PARG: variants seen among roughly 807,000 people sequenced by gnomAD.
PARG encodes mitochondrial poly(ADP-ribose) glycohydrolase.
PARG carries 35 observed loss-of-function variants against 113.0 expected under a neutral mutation model. That is an observed-to-expected ratio of 0.31 (90% CI 0.24 to 0.41). The LOEUF is 0.41. PARG is among the 10% of genes least tolerant of loss of function. PARG has a pLI of 1.00. For synonymous variants in PARG, 330 were observed against 409.9 expected, an observed-to-expected ratio of 0.81 and a Z score of 2.36; for missense variants, 797 against 1,169.4, an observed-to-expected ratio of 0.68 and a Z score of 4.64.
intron 16 of PARG, among the ~76,000 whole-genome samples, chr10:49,831,052 G>T (rs1554830186): frequency 1.3e-5 from 2 of 152,056 alleles, no homozygotes; most frequent in East Asian, 1.9e-4. Flanking sequence ...ATGGATAGTT[G>T]AAAACTATCC....
chr10:49,826,157 T>A (rs1191758898), intron 16 of PARG, among the ~76,000 whole-genome samples: 5 of 152,188 alleles, frequency 3.3e-5, no homozygotes, highest in Non-Finnish European at 7.3e-5. Context: ...CACCTTTGAA[T>A]GCACATTATC....
chr10:49,922,606 C>T lies in PARG; in HGVS notation c.1519G>A (p.Asp507Asn), dbSNP rs782075659. ...CAAGGCATTTTAACATGCTTGTTAT[C>T]CCACAAATCTTTATAATGTGTTGGA... ...PFPTHYKDLW[D>N]NKHVKMPCSE... is the part of the protein sequence containing the mutation. The change falls in exon 5 of 18, where the codon GAT becomes AAT. Residue 507 changes from aspartate (D) to asparagine (N), a missense_variant. Physicochemically the swap from Asp to Asn is conservative, Grantham distance 23 (BLOSUM62 1). This residue lies in a region of PARG where 252 missense variants were observed against 437.4 expected (regional missense o/e 0.58). Coordinates refer to ENST00000616448, the MANE Select transcript of PARG (RefSeq NM_003631.5). 2.5e-6 allele frequency: 4 copies of T among 1,603,060 alleles called. No homozygotes were observed. Among genetic ancestry groups the T allele is most frequent in the South Asian group, 1.1e-5 (1 of 89,090 alleles).
Position 49,933,886 on chromosome 10 carries a change from C to T in PARG, c.562G>A (p.Asp188Asn). 1 of 1,598,296 alleles carries T rather than the reference C, an allele frequency of 6.3e-7. No homozygotes were observed. The highest frequency in any genetic ancestry group is 1.1e-5 in the South Asian group (1 of 90,748). ...VPEQFSNANI[D>N]RSPQNDDHSD... ...TGATCATCATTTTGAGGTGACCGAT[C>T]AATGTTAGCATTACTAAACTGCTCT... The change falls in exon 3 of 18, where the codon GAT (aspartate) becomes AAT (asparagine). Residue 188 changes from aspartate to asparagine, a missense_variant. Around this residue, in one of 5 missense-constraint regions of PARG, gnomAD observed 284 missense variants for 306.1 expected, o/e 0.93. Coordinates refer to ENST00000616448, the MANE Select transcript of PARG (RefSeq NM_003631.5).
intron 7 of PARG, among the ~76,000 whole-genome samples, chr10:49,905,213 C>T (rs1848525067): frequency 6.6e-6 from 1 of 152,282 alleles, no homozygotes; most frequent in African/African-American, 2.4e-5. Flanking sequence ...CAAATCTCTC[C>T]GAGAGGTATT....
chr10:49,930,148 A>G (rs1422865946), intron 4 of PARG, among the ~76,000 whole-genome samples: 2 of 152,158 alleles, frequency 1.3e-5, no homozygotes, highest in African/African-American at 4.8e-5. Flanking sequence ...ATCTTGGCAA[A>G]AACAGCTGGT....
intron 7 of PARG, among the ~76,000 whole-genome samples, chr10:49,902,694 CACA>C (rs1376087018): frequency 8.5e-5 from 13 of 152,094 alleles, no homozygotes; most frequent in Admixed American, 2.6e-4. Flanking sequence ...AAAAATGCTA[CACA>C]ACAACTATAA....
intron 7 of PARG, among the ~76,000 whole-genome samples, chr10:49,904,983 A>G (rs1328551154): frequency 2.0e-5 from 3 of 152,218 alleles, no homozygotes; most frequent in African/African-American, 7.2e-5. Flanking sequence ...GCTGAACACT[A>G]AAAGTCAAGC....
In PARG at chr10:49,907,144, A is replaced by G. The variant is rs4838572; in HGVS notation, c.1737+8773T>C. ...AATATTCCATATTTCATTATGCTGG[A>G]AATGGCCCTTGTGGCAGAAAATGTC... is the stretch of plus-strand genomic sequence containing the variant. On this transcript the variant is annotated intron_variant, in intron 7 of 17. Transcript: ENST00000616448. Among the ~76,000 whole-genome samples, 609 of 152,316 alleles carry G rather than the reference A, an allele frequency of 4.0e-3. 18 individuals are homozygous for G. Among genetic ancestry groups the G allele is most frequent in the Admixed American group, 0.036 (556 of 15,302 alleles).
intron 9 of PARG, among the ~76,000 whole-genome samples, chr10:49,869,987 G>A (rs1554837617): frequency 6.6e-6 from 1 of 152,180 alleles, no homozygotes; most frequent in Non-Finnish European, 1.5e-5. Flanking sequence ...GTGAGGAAAT[G>A]AGAGTGGAGG....
chr10:49,917,703 G>A (rs2132859067), intron 6 of PARG, among the ~76,000 whole-genome samples: 1 of 150,120 alleles, frequency 6.7e-6, no homozygotes, highest in East Asian at 2.0e-4. Context: ...TGCAGTCTCA[G>A]CTACATGAGG....
At chr10:49,844,188 AG>A (rs1845388712) in intron 13 of PARG, among the ~76,000 whole-genome samples, 3 of 152,154 alleles carry the variant, frequency 2.0e-5, no homozygotes, top group Admixed American at 2.0e-4. Flanking sequence ...ATTAAAATAA[AG>A]AAAAAGCATA....
intron 7 of PARG, among the ~76,000 whole-genome samples, chr10:49,902,365 G>A (rs1447404345): frequency 2.6e-5 from 4 of 152,178 alleles, no homozygotes; most frequent in African/African-American, 4.8e-5. Context: ...TATGAGGACC[G>A]ATGTGGTACG....
intron 13 of PARG, among the ~76,000 whole-genome samples, chr10:49,856,736 G>C (rs529628865): frequency 4.6e-5 from 7 of 152,060 alleles, no homozygotes; most frequent in Non-Finnish European, 8.8e-5. Context: ...ACTGCCAAGC[G>C]TGGTGGCTCA....
In PARG at chr10:49,941,998, C is replaced by G; in HGVS notation, c.-273G>C. ...TTTCCCACCACCGGAAAGCTGCCGT[C>G]AGGCGCTTCCGGCTTCCGGGGCGCA... On this transcript the variant is annotated 5_prime_UTR_variant, in exon 1 of 18. Transcript: ENST00000616448. 2.1e-6 allele frequency: 2 copies of G among 935,090 alleles called. No individual in the cohort carries two copies. The highest frequency in any genetic ancestry group is 3.2e-6 in the Non-Finnish European group (2 of 616,748). The allele number at this position is 935,090 out of a possible 1,614,324, so 57.9% of individuals were successfully genotyped here.
intron 7 of PARG, among the ~76,000 whole-genome samples, chr10:49,904,136 A>C (rs1554844249): frequency 6.6e-6 from 1 of 151,780 alleles, no homozygotes; most frequent in African/African-American, 2.4e-5. Context: ...AAGGTGGCTG[A>C]GGCAGAATAG....
chr10:49,890,841 G>C, intron 7 of PARG, among the ~76,000 whole-genome samples: 1 of 152,234 alleles, frequency 6.6e-6, no homozygotes, highest in African/African-American at 2.4e-5. Context: ...ATTTATGAAA[G>C]ACATATTTAT....
At chr10:49,833,001 T>C in intron 15 of PARG, 93 bp from the exon 16 acceptor site, 1 of 561,908 alleles carries the variant, frequency 1.8e-6, no homozygotes, top group Middle Eastern at 2.8e-4. Context: ...ATTATCAAGC[T>C]TATGTTCAAT....
chr10:49,823,754 A>G (rs1442563297), intron 16 of PARG, among the ~76,000 whole-genome samples: 1 of 152,168 alleles, frequency 6.6e-6, no homozygotes, highest in Non-Finnish European at 1.5e-5. Context: ...AGAGACCCAA[A>G]GAAGAGTCCT....
Position 49,932,142 on chromosome 10 carries a change from C to G in PARG, c.1413G>C (p.Leu471=), listed in dbSNP as rs1554909954. The G allele has an allele frequency of 5.0e-6, 8 of 1,606,114 alleles. No homozygotes were observed. Among genetic ancestry groups the G allele is most frequent in the African/African-American group, 4.0e-5 (3 of 74,806 alleles). The change falls in exon 4 of 18, where the codon CTG becomes CTC. Residue 471 remains leucine (L), a synonymous_variant. Transcript: ENST00000616448. ...GATTGGCAGATGGTCTCAAGAGAGGCAGCCGGATCCCACACCGAGGCATTC... is the reference window on the plus strand; with the variant it reads ...GATTGGCAGATGGTCTCAAGAGAGGGAGCCGGATCCCACACCGAGGCATTC... The part of the protein sequence containing the change: ...MRRMPRCGIR[L]PLLRPSANHT...
Sources: allele counts gnomAD v4.1 joint callset (sites outside exome capture counted in the v4.1 genomes callset), GRCh38; gene constraint gnomAD v4.1.1; regional missense constraint gnomAD v4.1.1; transcripts MANE v1.5; gene names NCBI Gene and HGNC (gene_info 2026-07-23, HGNC 2026-07-21).